The following STAG1 variants were observed in gnomAD, a reference collection of about 807,000 sequenced individuals.
STAG1 encodes STAG1 cohesin complex component, also known as cohesin subunit SA-1.
In STAG1, 26 loss-of-function variants were observed where a neutral mutation model predicts 170.9. That is an observed-to-expected ratio of 0.15 (90% confidence interval 0.11 to 0.21). The LOEUF (loss-of-function observed/expected upper bound fraction) is 0.21, where lower values mean the gene tolerates loss of function less well. Among genes scored for constraint, STAG1 ranks in the 10% least tolerant of loss-of-function variants. The probability of loss-of-function intolerance (pLI) is 1.00; values close to 1 mark genes in which losing one functional copy is unlikely to be tolerated. For missense variants in STAG1, 964 were observed against 1,509.5 expected (o/e 0.64, Z 5.99); for synonymous variants, 514 against 497.7 (o/e 1.03, Z -0.44).
chr3:136,693,629 G>A (rs1377849925), intron 1 of STAG1, among the ~76,000 whole-genome samples: 6 of 152,092 alleles, frequency 3.9e-5, no homozygotes, highest in South Asian at 4.1e-4. Flanking sequence ...TTAACTGGAG[G>A]TACGTTCACC....
intron 7 of STAG1, among the ~76,000 whole-genome samples, chr3:136,518,837 A>C (rs572613252): frequency 1.3e-4 from 20 of 152,136 alleles, no homozygotes; most frequent in Non-Finnish European, 2.8e-4. Flanking sequence ...GTGAAAACAA[A>C]ATCACATTCA....
intron 4 of STAG1, among the ~76,000 whole-genome samples, chr3:136,595,142 G>A (rs1938366430): frequency 6.6e-6 from 1 of 152,106 alleles, no homozygotes. Flanking sequence ...AAATTAACAA[G>A]CTCTTACTCA....
intron 4 of STAG1, chr3:136,587,052 A>C (rs1937866677): frequency 1.4e-5 from 5 of 350,014 alleles, no homozygotes; most frequent in South Asian, 1.2e-4. Context: ...TATCATGATA[A>C]GCTACTGATT....
intron 23 of STAG1, among the ~76,000 whole-genome samples, chr3:136,372,617 T>C (rs1937404662): frequency 1.3e-5 from 2 of 152,220 alleles, no homozygotes; most frequent in Non-Finnish European, 2.9e-5. Context: ...ATGTCGTTTT[T>C]GTCTTTGGTT....
rs1441186418 is a variant in STAG1 at position 136,337,684 on chromosome 3, T to C, written c.*570A>G. 6.6e-6 allele frequency: 1 copy of C among 152,664 alleles called. No individual in the cohort carries two copies. The highest frequency in any genetic ancestry group is 2.4e-5 in the African/African-American group (1 of 41,460). The allele number at this position is 152,664 out of a possible 1,614,324, so 9.5% of individuals were successfully genotyped here. ...AGATGTACTATGTCAGAATTTCATC[T>C]TAGCTTGTCAATGTTCTGCTCCTTC... is the stretch of plus-strand genomic sequence containing the variant. On this transcript the variant is annotated 3_prime_UTR_variant, in exon 34 of 34. Transcript: ENST00000383202.
At chr3:136,751,997 G>A (rs1026290832) in intron 1 of STAG1, among the ~76,000 whole-genome samples, 198 bp downstream of exon 1, 5 of 150,718 alleles carry the variant, frequency 3.3e-5, no homozygotes, top group Non-Finnish European at 5.9e-5. Context: ...GACGGCCCAC[G>A]ACCGCCGCAC....
At chr3:136,549,442 C>G (rs1273255200) in intron 5 of STAG1, among the ~76,000 whole-genome samples, 5 of 152,026 alleles carry the variant, frequency 3.3e-5, no homozygotes, top group Non-Finnish European at 1.5e-5. Flanking sequence ...TCCTGAGTAG[C>G]TGGGATTACA....
At chr3:136,605,648 T>C (rs1938897241) in intron 3 of STAG1, among the ~76,000 whole-genome samples, 1 of 152,238 alleles carries the variant, frequency 6.6e-6, no homozygotes, top group Admixed American at 6.5e-5. Context: ...AGTAATTTAA[T>C]TCATTCCCAT....
At chr3:136,548,610 C>CT (rs2107734885) in intron 5 of STAG1, among the ~76,000 whole-genome samples, 1 of 152,282 alleles carries the variant, frequency 6.6e-6, no homozygotes, top group Non-Finnish European at 1.5e-5. Flanking sequence ...GGTAAGACCA[C>CT]TTTAGGCAGT....
At chr3:136,500,172 C>A (rs747223120) in intron 9 of STAG1, 51 bp downstream of exon 9, 14 of 1,215,054 alleles carry the variant, frequency 1.2e-5, no homozygotes, top group Non-Finnish European at 1.5e-5. Flanking sequence ...CAAAAAAAAT[C>A]AATAATTGTT....
intron 16 of STAG1, among the ~76,000 whole-genome samples, chr3:136,429,445 G>A (rs747640696): frequency 1.3e-5 from 2 of 152,096 alleles, no homozygotes; most frequent in Non-Finnish European, 2.9e-5. Flanking sequence ...ACTAATAGAG[G>A]ATGACTTGAT....
chr3:136,464,506 T>C (rs375554003), intron 13 of STAG1, among the ~76,000 whole-genome samples: 26 of 152,268 alleles, frequency 1.7e-4, no homozygotes, highest in Middle Eastern at 6.8e-3. Flanking sequence ...TTAAAGGTGA[T>C]ACTGCTTCAA....
intron 1 of STAG1, among the ~76,000 whole-genome samples, chr3:136,692,532 G>A (rs1011230258): frequency 6.6e-6 from 1 of 151,872 alleles, no homozygotes; most frequent in Non-Finnish European, 1.5e-5. Flanking sequence ...CTACTCAAGA[G>A]GCTGAGGCAG....
chr3:136,539,481 T>C (rs938854964), intron 6 of STAG1, among the ~76,000 whole-genome samples: 6 of 152,304 alleles, frequency 3.9e-5, no homozygotes, highest in Middle Eastern at 3.4e-3. Flanking sequence ...TAAATGAATA[T>C]ATTAAATGTG....
chr3:136,491,370 C>T (rs1345162503), intron 9 of STAG1, among the ~76,000 whole-genome samples: 2 of 152,138 alleles, frequency 1.3e-5, no homozygotes, highest in Non-Finnish European at 1.5e-5. Context: ...CCGTCCATAT[C>T]TTTTTATCCC....
In STAG1 at chr3:136,422,548, T is replaced by C; in HGVS notation, c.1899A>G (p.Leu633=). The change falls in exon 19 of 34, where the codon CTA becomes CTG. Residue 633 remains leucine, a synonymous_variant. Transcript: ENST00000383202. ...VVEKHVESDV[L]EACSKTYSIL... ...TACTATAGGTTTTACTGCAGGCTTC[T>C]AGAACATCTGATTCTACGTGTTTCT... 1 of 1,614,088 alleles carries C rather than the reference T, an allele frequency of 6.2e-7. No individual in the cohort carries two copies. The highest frequency in any genetic ancestry group is 8.5e-7 in the Non-Finnish European group (1 of 1,179,992).
chr3:136,550,847 G>A (rs1936351924), intron 5 of STAG1, among the ~76,000 whole-genome samples: 1 of 152,076 alleles, frequency 6.6e-6, no homozygotes, highest in Non-Finnish European at 1.5e-5. Context: ...TTTATACAAT[G>A]TCTTTCGATT....
intron 1 of STAG1, among the ~76,000 whole-genome samples, chr3:136,723,640 C>A (rs1242040613): frequency 1.3e-5 from 2 of 149,576 alleles, no homozygotes; most frequent in Non-Finnish European, 3.0e-5. Flanking sequence ...CCAGCCGCCC[C>A]GTCCGGGAGG....
At chr3:136,637,809 G>A (rs903571432) in intron 1 of STAG1, among the ~76,000 whole-genome samples, 1 of 152,030 alleles carries the variant, frequency 6.6e-6, no homozygotes, top group Non-Finnish European at 1.5e-5. Flanking sequence ...ATAAAGGAAT[G>A]TAAGTTTCAT....
Sources: gnomAD v4.1 joint callset for allele counts (sites outside exome capture counted in the v4.1 genomes callset) on GRCh38, gnomAD v4.1.1 for gene constraint, MANE v1.5 for transcripts, NCBI Gene and HGNC (gene_info 2026-07-23, HGNC 2026-07-21) for gene names.